ZNF254: variants seen among roughly 807,000 people sequenced by gnomAD.
ZNF254 encodes the protein CTD-2017D11.1.
A neutral mutation model predicts 12.4 loss-of-function variants in ZNF254; 10 were observed. That is an observed-to-expected ratio of 0.80 (90% CI 0.50 to 1.36). The LOEUF is 1.36. Among genes scored for constraint, ZNF254 ranks in the 40% most tolerant of loss-of-function variants. ZNF254 has a pLI of 0.00. For missense variants in ZNF254, 996 were observed against 763.9 expected (o/e 1.30, Z -3.58); for synonymous variants, 305 against 253.4 (o/e 1.20, Z -1.93).
intron 1 of ZNF254, among the ~76,000 whole-genome samples, chr19:24,038,937 A>C (rs1970060852): frequency 6.6e-6 from 1 of 152,216 alleles, no homozygotes; most frequent in South Asian, 2.1e-4. Flanking sequence ...AGTAAGCCTG[A>C]GAATCTAAAC....
chr19:24,091,160 G>T (rs1475131276), intron 1 of ZNF254, among the ~76,000 whole-genome samples: 1 of 151,724 alleles, frequency 6.6e-6, no homozygotes, highest in African/African-American at 2.4e-5. Flanking sequence ...TGTTAGGCTG[G>T]TCTTGAACTC....
At chr19:24,113,625 A>G (rs1351822094) in intron 3 of ZNF254, among the ~76,000 whole-genome samples, 1 of 152,166 alleles carries the variant, frequency 6.6e-6, no homozygotes, top group African/African-American at 2.4e-5. Flanking sequence ...AAACTGGCAC[A>G]AGACAGGGAT....
chr19:24,047,229 C>G (rs944558302), intron 2 of ZNF254, among the ~76,000 whole-genome samples: 1 of 151,414 alleles, frequency 6.6e-6, no homozygotes, highest in Non-Finnish European at 1.5e-5. Context: ...TGTGTCTTTC[C>G]CTCTGTTTCT....
At chr19:24,117,519 T>C (rs1029844920) in intron 3 of ZNF254, among the ~76,000 whole-genome samples, 29 of 152,168 alleles carry the variant, frequency 1.9e-4, no homozygotes, top group Non-Finnish European at 2.9e-5. Context: ...TATAATCTGC[T>C]GTTGTGCGGT....
intron 1 of ZNF254, chr19:24,104,060 A>G (rs1266755085): frequency 6.6e-6 from 1 of 152,134 alleles, no homozygotes; most frequent in East Asian, 1.9e-4. Flanking sequence ...GGGTTTCACC[A>G]TGTTGGCCAG....
At chr19:24,069,208 G>T (rs924221293) in intron 2 of ZNF254, among the ~76,000 whole-genome samples, 1 of 151,796 alleles carries the variant, frequency 6.6e-6, no homozygotes, top group Non-Finnish European at 1.5e-5. Flanking sequence ...TTTTCACCAT[G>T]TTGGCCAGGC....
chr19:24,055,362 C>T (rs1200334123), intron 2 of ZNF254, among the ~76,000 whole-genome samples: 3 of 151,830 alleles, frequency 2.0e-5, no homozygotes, highest in Non-Finnish European at 4.4e-5. Flanking sequence ...TTACTGCAAT[C>T]TCCACCTCCG....
intron 1 of ZNF254, among the ~76,000 whole-genome samples, chr19:24,092,934 T>C (rs1192693338): frequency 6.6e-6 from 1 of 152,236 alleles, no homozygotes; most frequent in Non-Finnish European, 1.5e-5. Flanking sequence ...CAGCAGTGTA[T>C]AAGCGTTCCC....
intron 2 of ZNF254, among the ~76,000 whole-genome samples, chr19:24,052,480 C>A (rs1429543295): frequency 1.3e-5 from 2 of 152,152 alleles, no homozygotes; most frequent in African/African-American, 4.8e-5. Flanking sequence ...ATTTAACTCC[C>A]CTTTTTGCCT....
intron 2 of ZNF254, among the ~76,000 whole-genome samples, chr19:24,054,069 A>T (rs1460399206): frequency 6.6e-6 from 1 of 151,666 alleles, no homozygotes; most frequent in Non-Finnish European, 1.5e-5. Flanking sequence ...TATCCCTGGA[A>T]CCAGACACCA....
intron 1 of ZNF254, chr19:24,098,742 G>A (rs1240679306): frequency 6.6e-6 from 1 of 152,014 alleles, no homozygotes; most frequent in African/African-American, 2.4e-5. Context: ...TCTTTTGAAT[G>A]CTTTGTATAT....
chr19:24,072,784 G>T lies in ZNF254; in HGVS notation c.-94+26505G>T, dbSNP rs554805522. 2.6e-5 allele frequency among the ~76,000 whole-genome samples: 4 copies of T among 152,314 alleles called. No individual in the cohort carries two copies. The South Asian group carries it at 8.3e-4, about 32-fold the overall frequency. ...TTGTCTGTGCCTTGCTTTCAGGAGA[G>T]AATTGTAACATAACCCTGGTCAGGC... On this transcript the variant is annotated intron_variant, in intron 2 of 4. Transcript: ENST00000613065.
At chr19:24,108,793 A>G (rs774150094) in intron 3 of ZNF254, among the ~76,000 whole-genome samples, 21 of 152,254 alleles carry the variant, frequency 1.4e-4, no homozygotes, top group South Asian at 1.0e-3. Flanking sequence ...TCAGACATTT[A>G]GGGCAATATA....
At position 24,043,267 on chromosome 19, in the gene ZNF254, AT is replaced by A. The variant is rs5827564; in HGVS notation, c.-189-2905del. Among the ~76,000 whole-genome samples the A allele has an allele frequency of 3.0e-3, 454 of 149,362 alleles. 2 individuals are homozygous for A. The highest frequency in any genetic ancestry group is 0.011 in the African/African-American group (433 of 40,812). ...ACATGGCACATAAAGCCAAAAAAAA[AT>A]TTTTTTTTTTTGAGATAGAATCTTA... On this transcript the variant is annotated intron_variant, in intron 1 of 4. Coordinates refer to the ZNF254 transcript ENST00000613065.
chr19:24,062,065 A>G (rs1283626536), intron 2 of ZNF254, among the ~76,000 whole-genome samples: 1 of 149,042 alleles, frequency 6.7e-6, no homozygotes, highest in East Asian at 1.9e-4. Flanking sequence ...AGTCTGGGCA[A>G]CAAGAGTGAA....
rs1386837387 is a variant in ZNF254, at chr19:24,127,830, A to AT, written c.1835dup (p.Trp613LeufsTer7). 5 of 1,612,720 alleles carry AT rather than the reference A, an allele frequency of 3.1e-6. No homozygotes were observed. The East Asian group carries it at 1.1e-4, about 36-fold the overall frequency. On this transcript the variant is annotated frameshift_variant, in exon 4 of 4. Transcript: ENST00000357002. LOFTEE classifies it low-confidence loss of function (END_TRUNC). ...ACAAATGTGAAGAATGTGGCAAAGCATTTTTCTGGTCCTCAACCCTAACTA... is the reference window on the plus strand; with the variant it reads ...ACAAATGTGAAGAATGTGGCAAAGCATTTTTTCTGGTCCTCAACCCTAACTA...
rs763087388 is a variant in ZNF254 at position 24,126,947 on chromosome 19, A to G, written c.947A>G (p.His316Arg). The G allele has an allele frequency of 3.1e-6, 5 of 1,613,568 alleles. No homozygotes were observed. The highest frequency in any genetic ancestry group is 1.1e-5 in the South Asian group (1 of 91,066). The part of the protein sequence containing the change: ...SSTLTEHKKI[H>R]TRKKPYKCEE... The stretch of plus-strand genomic sequence containing the variant: ...ACCCTTACTGAGCATAAGAAAATTC[A>G]TACTAGAAAGAAACCCTACAAGTGT... The change falls in exon 4 of 4, where the codon CAT becomes CGT. Residue 316 changes from histidine to arginine, a missense_variant. His to Arg is a conservative substitution (Grantham distance 29). Transcript: ENST00000357002.
chr19:24,069,597 T>C (rs1599637784), intron 2 of ZNF254, among the ~76,000 whole-genome samples: 4 of 91,088 alleles, frequency 4.4e-5, no homozygotes, highest in Admixed American at 1.6e-4. Context: ...AGAGTGAGAC[T>C]CCATCTCAAA....
intron 2 of ZNF254, among the ~76,000 whole-genome samples, chr19:24,060,247 C>T (rs1000818129): frequency 3.9e-5 from 6 of 152,202 alleles, no homozygotes; most frequent in Admixed American, 2.6e-4. Context: ...TGAATCTTTT[C>T]ACCTGCCTAG....
Sources: allele counts gnomAD v4.1 joint callset (sites outside exome capture counted in the v4.1 genomes callset), GRCh38; gene constraint gnomAD v4.1.1; transcripts MANE v1.5; gene names NCBI Gene and HGNC (gene_info 2026-07-23, HGNC 2026-07-21).